The following PTPRM variants were observed in gnomAD, a reference collection of about 807,000 sequenced individuals.
PTPRM encodes protein tyrosine phosphatase receptor type M, also known as receptor-type tyrosine-protein phosphatase mu.
Under a neutral mutation model 186.7 loss-of-function variants are expected in PTPRM, and 47 were observed. The ratio of observed to expected loss-of-function variants is 0.25; its 90% CI spans 0.20 to 0.32. PTPRM has a LOEUF of 0.32. Among genes scored for constraint, PTPRM ranks in the 10% least tolerant of loss-of-function variants. PTPRM has a pLI of 1.00. For synonymous variants in PTPRM, 668 were observed against 674.9 expected, an observed-to-expected ratio of 0.99 and a Z score of 0.16; for missense variants, 1,494 against 1,865.0, an observed-to-expected ratio of 0.80 and a Z score of 3.66.
At chr18:7,642,747 G>A (rs1314375563) in intron 1 of PTPRM, among the ~76,000 whole-genome samples, 7 of 150,326 alleles carry the variant, frequency 4.7e-5, no homozygotes, top group Non-Finnish European at 1.0e-4. Flanking sequence ...TGTAAATACT[G>A]TGAGTATTTT....
chr18:8,366,856 C>G (rs1404763959), intron 23 of PTPRM: 1 of 152,264 alleles, frequency 6.6e-6, no homozygotes, highest in Non-Finnish European at 1.5e-5. Context: ...TGCCGCCTTA[C>G]GTGATTAGGA....
intron 2 of PTPRM, among the ~76,000 whole-genome samples, chr18:7,813,392 G>C (rs1230853529): frequency 6.6e-6 from 1 of 152,178 alleles, no homozygotes; most frequent in Non-Finnish European, 1.5e-5. Flanking sequence ...AAGACAGAGT[G>C]CATCATTTAT....
intron 22 of PTPRM, among the ~76,000 whole-genome samples, chr18:8,323,218 G>A (rs762413164): frequency 1.3e-5 from 2 of 152,192 alleles, no homozygotes; most frequent in Non-Finnish European, 2.9e-5. Flanking sequence ...AGTGCTGTGA[G>A]TGTGTTCTAG....
At chr18:7,750,167 G>A (rs1370821249) in intron 1 of PTPRM, among the ~76,000 whole-genome samples, 3 of 152,024 alleles carry the variant, frequency 2.0e-5, no homozygotes, top group South Asian at 4.1e-4. Flanking sequence ...CTCTGTTATC[G>A]CTTTAATAAC....
intron 14 of PTPRM, among the ~76,000 whole-genome samples, chr18:8,155,299 C>T (rs1443933580): frequency 6.6e-6 from 1 of 152,092 alleles, no homozygotes; most frequent in Admixed American, 6.5e-5. Context: ...TCTAAAATAG[C>T]TATAGATCTT....
intron 4 of PTPRM, among the ~76,000 whole-genome samples, chr18:7,920,944 T>C (rs1419633913): frequency 1.3e-5 from 2 of 152,214 alleles, no homozygotes; most frequent in Non-Finnish European, 2.9e-5. Flanking sequence ...CCTGTTTTCA[T>C]TGAGTTCTGT....
At chr18:8,255,677 T>C (rs1014432553) in intron 19 of PTPRM, among the ~76,000 whole-genome samples, 2 of 152,200 alleles carry the variant, frequency 1.3e-5, no homozygotes, top group African/African-American at 4.8e-5. Flanking sequence ...CTAGAGATGA[T>C]ATCAGGAACA....
chr18:8,070,788 T>A (rs2148446316), intron 8 of PTPRM, among the ~76,000 whole-genome samples: 1 of 152,286 alleles, frequency 6.6e-6, no homozygotes, highest in East Asian at 1.9e-4. Context: ...TTTTCCGGCA[T>A]CAAAATGAAT....
chr18:8,376,716 G>T, intron 26 of PTPRM, 119 bp downstream of exon 26: 1 of 1,252,126 alleles, frequency 8.0e-7, no homozygotes, highest in Non-Finnish European at 1.1e-6. Flanking sequence ...TGATCTACCT[G>T]GCATTCCCTG....
chr18:7,721,252 T>A lies in PTPRM; in HGVS notation c.74-52897T>A, dbSNP rs1161576118. On this transcript the variant is annotated intron_variant, in intron 1 of 32. Coordinates refer to ENST00000580170, the MANE Select transcript of PTPRM (RefSeq NM_001105244.2). ...GATGTTTGGCATCTTTTTATATTCT[T>A]TTTGGCCATTTGTATATCTTCTTTG... Among the ~76,000 whole-genome samples, 15 of 152,226 alleles carry A rather than the reference T, an allele frequency of 9.9e-5. No homozygotes were observed. The South Asian group carries it at 3.1e-3, about 32-fold the overall frequency.
intron 23 of PTPRM, among the ~76,000 whole-genome samples, chr18:8,346,378 G>A (rs1469627497): frequency 6.6e-6 from 1 of 152,220 alleles, no homozygotes; most frequent in African/African-American, 2.4e-5. Flanking sequence ...TGGCTTTCAT[G>A]TGGCCACCTT....
intron 21 of PTPRM, among the ~76,000 whole-genome samples, chr18:8,318,929 C>T (rs1040818339): frequency 4.6e-5 from 7 of 152,334 alleles, no homozygotes; most frequent in African/African-American, 1.7e-4. Flanking sequence ...GTGTTTCTTG[C>T]TCATCCATCA....
chr18:8,287,901 G>C (rs977234307), intron 19 of PTPRM, among the ~76,000 whole-genome samples: 1 of 152,330 alleles, frequency 6.6e-6, no homozygotes, highest in East Asian at 1.9e-4. Flanking sequence ...ACCTGTGACA[G>C]ATTGCTCACT....
intron 1 of PTPRM, among the ~76,000 whole-genome samples, chr18:7,687,623 G>A (rs2039633277): frequency 6.6e-6 from 1 of 152,028 alleles, no homozygotes; most frequent in Non-Finnish European, 1.5e-5. Context: ...ATAATGTGTT[G>A]GCAGCAGAAG....
intron 17 of PTPRM, among the ~76,000 whole-genome samples, chr18:8,248,924 C>T (rs1181799947): frequency 1.3e-5 from 2 of 152,148 alleles, no homozygotes; most frequent in African/African-American, 2.4e-5. Context: ...GAAAAAGTCC[C>T]GTTTGTCCAA....
intron 5 of PTPRM, among the ~76,000 whole-genome samples, chr18:7,943,799 CT>C (rs1004565044): frequency 1.3e-5 from 2 of 152,170 alleles, no homozygotes; most frequent in Non-Finnish European, 2.9e-5. Flanking sequence ...TAAATAGAAC[CT>C]TGTGATTACG....
intron 7 of PTPRM, among the ~76,000 whole-genome samples, chr18:7,984,504 AT>A (rs2082723570): frequency 6.8e-6 from 1 of 147,172 alleles, no homozygotes; most frequent in African/African-American, 2.5e-5. Flanking sequence ...CGTGATTAAT[AT>A]TTTTTAATTT....
At chr18:8,358,905 G>A (rs114214729) in intron 23 of PTPRM, among the ~76,000 whole-genome samples, 1 of 152,164 alleles carries the variant, frequency 6.6e-6, no homozygotes, top group Non-Finnish European at 1.5e-5. Context: ...TCCTTCTGTT[G>A]ATTTCTTCTA....
At position 8,114,830 on chromosome 18, in the gene PTPRM, A is replaced by G. The variant is rs2091894748; in HGVS notation, c.2167+3A>G. ...CTGTGTCCAAGTGGCCACAAAAGGTAGGTTGAAATTGTGGGATATTCTCCT... is the reference window on the plus strand; with the variant it reads ...CTGTGTCCAAGTGGCCACAAAAGGTGGGTTGAAATTGTGGGATATTCTCCT... On this transcript the variant is annotated splice_donor_region_variant and intron_variant, in intron 13 of 32. Transcript: ENST00000580170. The G allele has an allele frequency of 2.5e-6, 4 of 1,610,100 alleles. No homozygotes were observed. The highest frequency in any genetic ancestry group is 1.3e-5 in the African/African-American group (1 of 74,758).
Sources: gnomAD v4.1 joint callset for allele counts (sites outside exome capture counted in the v4.1 genomes callset) on GRCh38, gnomAD v4.1.1 for gene constraint, MANE v1.5 for transcripts, NCBI Gene and HGNC (gene_info 2026-07-23, HGNC 2026-07-21) for gene names.